ARID1B: variants seen among roughly 807,000 people sequenced by gnomAD.
ARID1B encodes AT-rich interactive domain-containing protein 1B.
Under a neutral mutation model 212.3 loss-of-function variants are expected in ARID1B, and 30 were observed. The ratio of observed to expected loss-of-function variants is 0.14; its 90% CI spans 0.11 to 0.19. The LOEUF is 0.19. Ranked by LOEUF, ARID1B falls within the 10% of genes least tolerant of loss-of-function variation. The pLI is 1.00. For synonymous variants in ARID1B, 1,402 were observed against 1,301.7 expected, an observed-to-expected ratio of 1.08 and a Z score of -1.66; for missense variants, 2,891 against 3,204.0, an observed-to-expected ratio of 0.90 and a Z score of 2.36.
In ARID1B at chr6:156,779,565, T is replaced by C. The variant is rs1285848550; in HGVS notation, c.1791+94T>C. On this transcript the variant is annotated intron_variant, in intron 1 of 19. Transcript: ENST00000636930. ...TCTTTGCCGCGTACTTTTCCCCGTC[T>C]TCCCGCGGGGGCGGCGGGGGCGCGG... 6 of 1,056,654 alleles carry C rather than the reference T, an allele frequency of 5.7e-6. No homozygotes were observed. The Admixed American group carries it at 2.5e-4, about 44-fold the overall frequency. The allele number at this position is 1,056,654 out of a possible 1,614,324, so 65.5% of individuals were successfully genotyped here.
chr6:156,930,680 C>T (rs1434432641), intron 3 of ARID1B, among the ~76,000 whole-genome samples: 1 of 152,120 alleles, frequency 6.6e-6, no homozygotes, highest in African/African-American at 2.4e-5. Flanking sequence ...AAATACGTTA[C>T]TCCACCTACA....
Position 157,200,710 on chromosome 6 carries a change from C to T in ARID1B, c.4485C>T (p.Tyr1495=), listed in dbSNP as rs1794033154. The stretch of plus-strand genomic sequence containing the variant: ...TGTCTTTCTGTGAATTCCAGAATTA[C>T]AAACGCCATATGGACGGCATGTACG... ...QPGLYPQQPN[Y]KRHMDGMYGP... Residue 1495 remains tyrosine, a synonymous_variant, in exon 18 of 20, where the codon TAC becomes TAT. Transcript: ENST00000636930. The surrounding 1 kb of genome is among the most constrained non-coding windows in gnomAD (Gnocchi z 4.3). 1 of 1,594,868 alleles carries T rather than the reference C, an allele frequency of 6.3e-7. No individual in the cohort carries two copies. Among genetic ancestry groups the T allele is most frequent in the Non-Finnish European group, 8.5e-7 (1 of 1,170,578 alleles).
At chr6:157,195,917 C>T in intron 15 of ARID1B, 1 of 400,690 alleles carries the variant, frequency 2.5e-6, no homozygotes, top group East Asian at 5.9e-5. Flanking sequence ...AAAAATTAGC[C>T]AGGTGTGGTG....
intron 4 of ARID1B, among the ~76,000 whole-genome samples, chr6:157,000,189 C>A (rs764787065): frequency 2.6e-5 from 4 of 152,112 alleles, no homozygotes; most frequent in Non-Finnish European, 5.9e-5. Flanking sequence ...GAGATGCGTC[C>A]TGGGAGGCTG....
chr6:156,825,611 C>A (rs556092631), intron 1 of ARID1B, among the ~76,000 whole-genome samples: 2 of 152,306 alleles, frequency 1.3e-5, no homozygotes, highest in Admixed American at 6.5e-5. Context: ...ATCATTTTCC[C>A]ATTTAACATT....
At position 156,778,219 on chromosome 6, in the gene ARID1B, C is replaced by A. The variant is rs1327454042; in HGVS notation, c.539C>A (p.Ala180Asp). 1.9e-6 allele frequency: 3 copies of A among 1,538,898 alleles called. No homozygotes were observed. The Admixed American group carries it at 5.9e-5, about 30-fold the overall frequency. Residue 180 changes from alanine (A) to aspartate (D), a missense_variant, in exon 1 of 20, where the codon GCC (alanine) becomes GAC (aspartate). By Grantham distance (126) the Ala-to-Asp change is moderately radical. Around this residue, in one of 7 missense-constraint regions of ARID1B, gnomAD observed 1,643 missense variants for 1,544.0 expected, o/e 1.06. Transcript: ENST00000636930. ...CATGCCCACCACCACCACCACCATG[C>A]CCACCACCTCCACCACCACCACGCA... ...HHHAHHHHHH[A>D]HHLHHHHALQ...
chr6:156,800,251 T>C (rs898668127), intron 1 of ARID1B, among the ~76,000 whole-genome samples: 3 of 152,188 alleles, frequency 2.0e-5, no homozygotes, highest in African/African-American at 4.8e-5. Flanking sequence ...ATGGCTCTGT[T>C]CAGTATGGCA....
At position 156,778,354 on chromosome 6, in the gene ARID1B, G is replaced by A. The variant is rs751856926; in HGVS notation, c.674G>A (p.Gly225Asp). Residue 225 changes from glycine (G) to aspartate (D), a missense_variant, in exon 1 of 20, where the codon GGC becomes GAC. By Grantham distance (94) the Gly-to-Asp change is moderately conservative (BLOSUM62 -1). Transcript: ENST00000636930. ...HPISNNNSLGGAGGGAPQPGP... is the reference protein window; with the variant it reads ...HPISNNNSLGDAGGGAPQPGP... ...ATTTCCAACAACAACAGCTTGGGCG[G>A]CGCGGGCGGCGGCGCGCCTCAGCCC... 8 of 1,540,032 alleles carry A rather than the reference G, an allele frequency of 5.2e-6. No homozygotes were observed. The highest frequency in any genetic ancestry group is 6.1e-6 in the Non-Finnish European group (7 of 1,146,090).
At chr6:157,052,242 T>TC (rs1782657910) in intron 4 of ARID1B, among the ~76,000 whole-genome samples, 1 of 152,248 alleles carries the variant, frequency 6.6e-6, no homozygotes, top group Non-Finnish European at 1.5e-5. Context: ...TGTTGAATTA[T>TC]CTCTAGACAG....
intron 6 of ARID1B, among the ~76,000 whole-genome samples, chr6:157,112,883 C>G (rs899021542): frequency 6.6e-6 from 1 of 151,690 alleles, no homozygotes; most frequent in African/African-American, 2.4e-5. Context: ...GTAACTGATA[C>G]CAGGTACATA....
intron 3 of ARID1B, chr6:156,902,168 T>C (rs1045720765): frequency 2.0e-5 from 3 of 152,326 alleles, no homozygotes; most frequent in Non-Finnish European, 4.4e-5. Context: ...AAATAGTATA[T>C]ATGTTATTTG....
At chr6:156,929,566 A>G (rs1406331119) in intron 3 of ARID1B, among the ~76,000 whole-genome samples, 1 of 152,238 alleles carries the variant, frequency 6.6e-6, no homozygotes, top group African/African-American at 2.4e-5. Flanking sequence ...AATTATTGAG[A>G]CTACTCAAAT....
At chr6:156,946,545 G>A (rs541883834) in intron 4 of ARID1B, among the ~76,000 whole-genome samples, 3 of 152,104 alleles carry the variant, frequency 2.0e-5, no homozygotes, top group African/African-American at 2.4e-5. Context: ...GTTACTAAGC[G>A]CATTGTAACG....
intron 4 of ARID1B, among the ~76,000 whole-genome samples, chr6:156,987,266 C>T (rs901751466): frequency 1.3e-5 from 2 of 151,248 alleles, no homozygotes; most frequent in Non-Finnish European, 2.9e-5. Context: ...TTCTTCCATT[C>T]TAGAGAGATA....
At chr6:157,161,421 T>TTGTG (rs527696446) in intron 8 of ARID1B, among the ~76,000 whole-genome samples, 3 of 135,832 alleles carry the variant, frequency 2.2e-5, no homozygotes, top group Non-Finnish European at 4.7e-5. Flanking sequence ...TCTGTTTTGA[T>TTGTG]TGTGTGTGTG....
intron 3 of ARID1B, among the ~76,000 whole-genome samples, chr6:156,912,901 C>T (rs1032440364): frequency 3.3e-5 from 5 of 152,200 alleles, no homozygotes; most frequent in Non-Finnish European, 5.9e-5. Context: ...CCTTTCTTGA[C>T]CGAAACCACA....
At chr6:156,817,241 G>A (rs774512990) in intron 1 of ARID1B, among the ~76,000 whole-genome samples, 9 of 151,962 alleles carry the variant, frequency 5.9e-5, no homozygotes, top group Admixed American at 2.0e-4. Context: ...TTAGCCAGGC[G>A]TGGTGGGCAG....
intron 4 of ARID1B, among the ~76,000 whole-genome samples, chr6:157,067,676 C>T (rs1038888221): frequency 3.3e-5 from 5 of 152,124 alleles, no homozygotes; most frequent in East Asian, 1.9e-4. Context: ...TGCATTTTTC[C>T]GCATGTGTGG....
At chr6:157,067,996 A>T (rs950971587) in intron 4 of ARID1B, among the ~76,000 whole-genome samples, 4 of 152,200 alleles carry the variant, frequency 2.6e-5, no homozygotes, top group Non-Finnish European at 4.4e-5. Context: ...TATAAAATAA[A>T]CTATTTATCA....
Sources: allele counts gnomAD v4.1 joint callset (sites outside exome capture counted in the v4.1 genomes callset), GRCh38; gene constraint gnomAD v4.1.1; regional missense constraint gnomAD v4.1.1; non-coding constraint Gnocchi (gnomAD v3.1); transcripts MANE v1.5; gene names NCBI Gene and HGNC (gene_info 2026-07-23, HGNC 2026-07-21).